The following ATRNL1 variants were observed in gnomAD, a reference collection of about 807,000 sequenced individuals.
ATRNL1 encodes attractin-like protein 1.
ATRNL1 carries 95 observed loss-of-function variants against 182.7 expected under a neutral mutation model. The ratio of observed to expected loss-of-function variants is 0.52; its 90% confidence interval spans 0.44 to 0.62. The LOEUF (loss-of-function observed/expected upper bound fraction) is 0.62. ATRNL1 is among the 20% of genes least tolerant of loss of function. The pLI is 0.00. For missense variants in ATRNL1, 1,471 were observed against 1,679.5 expected (o/e 0.88, Z 2.17); for synonymous variants, 576 against 568.3 (o/e 1.01, Z -0.19).
intron 1 of ATRNL1, among the ~76,000 whole-genome samples, chr10:115,119,193 A>C (rs1334803622): frequency 6.6e-6 from 1 of 152,146 alleles, no homozygotes; most frequent in Admixed American, 6.6e-5. Context: ...GGATTATGAA[A>C]GATTTGCAAA....
intron 22 of ATRNL1, among the ~76,000 whole-genome samples, chr10:115,465,270 A>G (rs1554970558): frequency 6.6e-6 from 1 of 151,660 alleles, no homozygotes; most frequent in African/African-American, 2.4e-5. Flanking sequence ...ACATAAATCA[A>G]CATTTGCTAC....
intron 26 of ATRNL1, among the ~76,000 whole-genome samples, chr10:115,614,481 A>G (rs1164488821): frequency 6.6e-6 from 1 of 152,166 alleles, no homozygotes; most frequent in Non-Finnish European, 1.5e-5. Flanking sequence ...CATATGCTGA[A>G]GAGAAGATTG....
intron 8 of ATRNL1, among the ~76,000 whole-genome samples, chr10:115,203,160 C>T (rs1848658122): frequency 6.6e-6 from 1 of 152,080 alleles, no homozygotes; most frequent in African/African-American, 2.4e-5. Context: ...CAACCAGAAG[C>T]AGGGTTCAAA....
At chr10:115,935,178 T>C (rs1555122567) in intron 28 of ATRNL1, among the ~76,000 whole-genome samples, 1 of 152,158 alleles carries the variant, frequency 6.6e-6, no homozygotes, top group Non-Finnish European at 1.5e-5. Flanking sequence ...TTGCCCTAGT[T>C]TGATGTTCTT....
At chr10:115,841,241 G>C (rs1950801524) in intron 27 of ATRNL1, among the ~76,000 whole-genome samples, 1 of 151,896 alleles carries the variant, frequency 6.6e-6, no homozygotes, top group Admixed American at 6.6e-5. Context: ...AAACACCTAG[G>C]GAAAAATAGG....
chr10:115,757,763 C>T lies in ATRNL1; in HGVS notation c.3903+30408C>T, dbSNP rs550371517. Among the ~76,000 whole-genome samples, 85 of 152,164 alleles carry T rather than the reference C, an allele frequency of 5.6e-4. 3 individuals are homozygous for T. The South Asian group carries it at 0.017, about 31-fold the overall frequency. On this transcript the variant is annotated intron_variant, in intron 27 of 28. Coordinates refer to ENST00000355044, the MANE Select transcript of ATRNL1 (RefSeq NM_207303.4). ...ATATCCTGAAGAGTGTTTTCCAACT[C>T]GGTTCCATTCTCCCCATCACTGTCA...
chr10:115,394,373 C>G (rs1554954997), intron 19 of ATRNL1, among the ~76,000 whole-genome samples: 1 of 151,856 alleles, frequency 6.6e-6, no homozygotes. Context: ...AAGAAATATA[C>G]CAAAGTGAAA....
chr10:115,460,213 C>A (rs1470635141), intron 21 of ATRNL1, among the ~76,000 whole-genome samples: 1 of 152,086 alleles, frequency 6.6e-6, no homozygotes, highest in Non-Finnish European at 1.5e-5. Context: ...GCTTTCAATC[C>A]TATGTAATTT....
intron 28 of ATRNL1, among the ~76,000 whole-genome samples, chr10:115,905,997 G>A (rs1952491789): frequency 1.3e-5 from 2 of 152,120 alleles, no homozygotes; most frequent in Admixed American, 1.3e-4. Context: ...GCAATGCAGG[G>A]TTTTCTTAAT....
intron 10 of ATRNL1, among the ~76,000 whole-genome samples, chr10:115,264,112 TAGGGTTCATGTGCACAAC>T (rs1554909678): frequency 6.6e-6 from 1 of 151,708 alleles, no homozygotes; most frequent in Non-Finnish European, 1.5e-5. Context: ...CTTTAAGTTC[TAGGGTTCATGTGCACAAC>T]GTGCACGTTT....
intron 26 of ATRNL1, among the ~76,000 whole-genome samples, chr10:115,561,690 G>GTGTGTGTGTGTGT (rs1853734733): frequency 9.9e-5 from 5 of 50,506 alleles, no homozygotes; most frequent in African/African-American, 1.4e-4. Flanking sequence ...TGTGTGTGTG[G>GTGTGTGTGTGTGT]GTGTGTGTGT....
At chr10:115,561,862 A>G (rs1853773283) in intron 26 of ATRNL1, among the ~76,000 whole-genome samples, 2 of 152,166 alleles carry the variant, frequency 1.3e-5, no homozygotes, top group African/African-American at 2.4e-5. Context: ...ACCAATAATC[A>G]TCACCAATTA....
chr10:115,721,766 T>C (rs1252304923), intron 26 of ATRNL1, among the ~76,000 whole-genome samples: 1 of 152,198 alleles, frequency 6.6e-6, no homozygotes, highest in African/African-American at 2.4e-5. Flanking sequence ...TATATGCTAT[T>C]AACATTTTAG....
intron 26 of ATRNL1, among the ~76,000 whole-genome samples, chr10:115,699,254 A>G (rs926267253): frequency 6.6e-6 from 1 of 152,154 alleles, no homozygotes; most frequent in Admixed American, 6.6e-5. Context: ...TAAAATTCCC[A>G]TTGCAACATG....
intron 21 of ATRNL1, among the ~76,000 whole-genome samples, chr10:115,444,156 C>T (rs904586317): frequency 2.0e-5 from 3 of 152,048 alleles, no homozygotes; most frequent in South Asian, 2.1e-4. Flanking sequence ...CATAAGAAAT[C>T]GAAGTGTCTA....
intron 28 of ATRNL1, among the ~76,000 whole-genome samples, chr10:115,944,019 G>T (rs1199641877): frequency 2.6e-5 from 4 of 152,032 alleles, no homozygotes; most frequent in Non-Finnish European, 4.4e-5. Flanking sequence ...ATCAGTGGTT[G>T]CCAGAGACTT....
chr10:115,156,867 C>CAT (rs1457724775), intron 5 of ATRNL1, among the ~76,000 whole-genome samples: 1 of 151,898 alleles, frequency 6.6e-6, no homozygotes, highest in Non-Finnish European at 1.5e-5. Context: ...GAGTCTTGCA[C>CAT]ATATAGTATG....
chr10:115,724,607 A>G (rs1488201421), intron 26 of ATRNL1, among the ~76,000 whole-genome samples: 1 of 152,304 alleles, frequency 6.6e-6, no homozygotes, highest in African/African-American at 2.4e-5. Flanking sequence ...TAATTAGATT[A>G]TGATCCAATT....
At chr10:115,184,208 A>G (rs1554888337) in intron 8 of ATRNL1, among the ~76,000 whole-genome samples, 1 of 151,520 alleles carries the variant, frequency 6.6e-6, no homozygotes, top group Non-Finnish European at 1.5e-5. Flanking sequence ...AACGCTTGAG[A>G]AAATGGGAAT....
Sources: allele counts gnomAD v4.1 joint callset (sites outside exome capture counted in the v4.1 genomes callset), GRCh38; gene constraint gnomAD v4.1.1; transcripts MANE v1.5; gene names NCBI Gene and HGNC (gene_info 2026-07-23, HGNC 2026-07-21).